The following CSMD1 variants were observed in gnomAD, a reference collection of about 807,000 sequenced individuals.
CSMD1 encodes the protein CUB and sushi domain-containing protein 1.
Under a neutral mutation model 417.5 loss-of-function variants are expected in CSMD1, and 213 were observed. That is an observed-to-expected ratio of 0.51 (90% CI 0.46 to 0.57). The LOEUF is 0.57. CSMD1 is among the 20% of genes least tolerant of loss of function. The probability of loss-of-function intolerance (pLI) is 0.00; values close to 1 mark genes in which losing one functional copy is unlikely to be tolerated. For missense variants in CSMD1, 6,923 were observed against 4,529.7 expected (o/e 1.53, Z -15.17); for synonymous variants, 2,862 against 1,736.8 (o/e 1.65, Z -16.11).
chr8:3,427,387 C>G (rs1010155666), intron 12 of CSMD1, among the ~76,000 whole-genome samples: 9 of 152,104 alleles, frequency 5.9e-5, no homozygotes, highest in African/African-American at 2.2e-4. Context: ...TGGTCCCTGT[C>G]TCCTATTTAA....
chr8:3,503,209 G>A (rs769660130), intron 10 of CSMD1, among the ~76,000 whole-genome samples: 1 of 152,098 alleles, frequency 6.6e-6, no homozygotes, highest in Non-Finnish European at 1.5e-5. Context: ...CACAAAGAAA[G>A]GGAGTTAGAA....
At chr8:3,582,313 C>G (rs1800417439) in intron 9 of CSMD1, among the ~76,000 whole-genome samples, 1 of 152,126 alleles carries the variant, frequency 6.6e-6, no homozygotes, top group Non-Finnish European at 1.5e-5. Flanking sequence ...TTTTTCACCT[C>G]TTCTCTAATG....
rs1262640812 is a variant in CSMD1, at chr8:3,796,007, T to C, written c.819-41965A>G. Among the ~76,000 whole-genome samples the C allele has an allele frequency of 4.9e-5, 3 of 61,210 alleles. 1 individual carries two copies. The highest frequency in any genetic ancestry group is 4.8e-4 in the South Asian group (1 of 2,094). The allele number at this position is 61,210 out of a possible 152,430, so 40.2% of individuals were successfully genotyped here. On this transcript the variant is annotated intron_variant, in intron 5 of 69. Coordinates refer to ENST00000635120, the MANE Select transcript of CSMD1 (RefSeq NM_033225.6). Reference sequence around the variant, plus strand: ...GATATAGATATATATCTATCATGTATATAGATATATATCATGTATAGATAT... The same window carrying C: ...GATATAGATATATATCTATCATGTACATAGATATATATCATGTATAGATAT...
intron 3 of CSMD1, among the ~76,000 whole-genome samples, chr8:4,148,688 T>G (rs1322907309): frequency 1.3e-5 from 2 of 152,036 alleles, no homozygotes; most frequent in African/African-American, 4.8e-5. Context: ...TCTCTTCTAG[T>G]AAGGGCACTC....
chr8:4,128,087 C>T (rs1171461433), intron 3 of CSMD1, among the ~76,000 whole-genome samples: 1 of 152,172 alleles, frequency 6.6e-6, no homozygotes, highest in African/African-American at 2.4e-5. Context: ...AATGGTTCCT[C>T]AACAGTCTTC....
chr8:4,138,793 C>G (rs1803596411), intron 3 of CSMD1, among the ~76,000 whole-genome samples: 4 of 152,022 alleles, frequency 2.6e-5, no homozygotes, highest in African/African-American at 9.7e-5. Flanking sequence ...TGAACAGTGG[C>G]TTTCATTTAA....
chr8:2,981,539 T>C lies in CSMD1; in HGVS notation c.8378-2739A>G, dbSNP rs537764364. Among the ~76,000 whole-genome samples, 4 of 152,318 alleles carry C rather than the reference T, an allele frequency of 2.6e-5. No individual in the cohort carries two copies. The East Asian group carries it at 5.8e-4, about 22-fold the overall frequency. ...CTTAACATCTTAATGCCTAATACACTAAGACTTGATTTCCAAGTGTGAAAA... is the reference window on the plus strand; with the variant it reads ...CTTAACATCTTAATGCCTAATACACCAAGACTTGATTTCCAAGTGTGAAAA... On this transcript the variant is annotated intron_variant, in intron 54 of 69. Transcript: ENST00000635120.
chr8:4,256,887 G>A (rs943627673), intron 3 of CSMD1, among the ~76,000 whole-genome samples: 5 of 152,158 alleles, frequency 3.3e-5, no homozygotes, highest in African/African-American at 7.2e-5. Flanking sequence ...GCTACTGGAC[G>A]ATGTGGTTCA....
Position 4,156,017 on chromosome 8 carries a change from C to A in CSMD1, c.416-123918G>T, listed in dbSNP as rs139766405. Among the ~76,000 whole-genome samples, 60 of 152,140 alleles carry A rather than the reference C, an allele frequency of 3.9e-4. No homozygotes were observed. The East Asian group carries it at 0.011, about 27-fold the overall frequency. ...AAAAAAGCCTAATGGAGTCACAGAC[C>A]CAGTGGCCTGGTTCCTCAGATGAGC... is the stretch of plus-strand genomic sequence containing the variant. On this transcript the variant is annotated intron_variant, in intron 3 of 69. Coordinates refer to ENST00000635120, the MANE Select transcript of CSMD1 (RefSeq NM_033225.6).
chr8:4,084,730 C>T (rs1317153645), intron 3 of CSMD1, among the ~76,000 whole-genome samples: 1 of 151,870 alleles, frequency 6.6e-6, no homozygotes, highest in African/African-American at 2.4e-5. Context: ...CCCCTCTGCT[C>T]TCTTGCCCAC....
intron 2 of CSMD1, among the ~76,000 whole-genome samples, chr8:4,471,670 A>C (rs916425604): frequency 7.2e-5 from 11 of 152,166 alleles, no homozygotes; most frequent in African/African-American, 2.7e-4. Context: ...ACCCTGGTTG[A>C]GGAAGGCCAG....
At chr8:4,602,202 C>G (rs1421797600) in intron 2 of CSMD1, among the ~76,000 whole-genome samples, 1 of 152,144 alleles carries the variant, frequency 6.6e-6, no homozygotes, top group Non-Finnish European at 1.5e-5. Context: ...TGAGGCATTG[C>G]CTTTCCACCC....
At position 4,073,032 on chromosome 8, in the gene CSMD1, A is replaced by G. The variant is rs372560168; in HGVS notation, c.416-40933T>C. On this transcript the variant is annotated intron_variant, in intron 3 of 69. Transcript: ENST00000635120. ...GTAAGGACCAACCCAATTATCACCT[A>G]TAAGTGTAGCGTAGATGATAGTCAA... 2.2e-3 allele frequency among the ~76,000 whole-genome samples: 331 copies of G among 152,306 alleles called. 24 individuals carry two copies. In the South Asian group the frequency reaches 0.062, roughly 28 times the overall value.
At chr8:3,090,210 G>C (rs920280074) in intron 48 of CSMD1, among the ~76,000 whole-genome samples, 19 of 151,602 alleles carry the variant, frequency 1.3e-4, no homozygotes, top group African/African-American at 3.4e-4. Context: ...CCAGCTACTC[G>C]GGAGGCTGAG....
intron 2 of CSMD1, among the ~76,000 whole-genome samples, chr8:4,566,525 C>A (rs184617736): frequency 2.4e-4 from 37 of 151,638 alleles, no homozygotes; most frequent in African/African-American, 8.2e-4. Flanking sequence ...TGGTGGCGGG[C>A]GCCTGCAGTC....
At chr8:4,533,449 T>C (rs901932126) in intron 2 of CSMD1, among the ~76,000 whole-genome samples, 2 of 152,216 alleles carry the variant, frequency 1.3e-5, no homozygotes, top group African/African-American at 2.4e-5. Flanking sequence ...ACGTGAGCCC[T>C]GATGGGCAGA....
intron 5 of CSMD1, among the ~76,000 whole-genome samples, chr8:3,907,772 C>A (rs1808208772): frequency 6.6e-6 from 1 of 152,172 alleles, no homozygotes; most frequent in Non-Finnish European, 1.5e-5. Context: ...AACAGACTGA[C>A]TCTTAGAATC....
intron 2 of CSMD1, among the ~76,000 whole-genome samples, chr8:4,440,292 C>G (rs940338182): frequency 9.2e-5 from 14 of 152,088 alleles, no homozygotes; most frequent in Admixed American, 2.0e-4. Context: ...GGTACTATAA[C>G]CAGAAAAATG....
chr8:4,036,686 T>A (rs72624066), intron 3 of CSMD1, among the ~76,000 whole-genome samples: 30,815 of 152,216 alleles, frequency 0.2, 3,477 homozygotes, highest in East Asian at 0.39. Flanking sequence ...TGAAATTGCA[T>A]TTCTCATTGT....
Sources: gnomAD v4.1 joint callset for allele counts (sites outside exome capture counted in the v4.1 genomes callset) on GRCh38, gnomAD v4.1.1 for gene constraint, MANE v1.5 for transcripts, NCBI Gene and HGNC (gene_info 2026-07-23, HGNC 2026-07-21) for gene names.